HIP1: variants seen among roughly 807,000 people sequenced by gnomAD.
HIP1 encodes huntingtin-interacting protein 1.
HIP1 carries 65 observed loss-of-function variants against 147.6 expected under a neutral mutation model. That is an observed-to-expected ratio of 0.44 (90% CI 0.36 to 0.54). The LOEUF (loss-of-function observed/expected upper bound fraction) is 0.54, where lower values mean the gene tolerates loss of function less well. HIP1 is among the 20% of genes least tolerant of loss of function. HIP1 has a pLI of 0.00. For synonymous variants in HIP1, 479 were observed against 504.0 expected, an observed-to-expected ratio of 0.95 and a Z score of 0.67; for missense variants, 1,061 against 1,299.6, an observed-to-expected ratio of 0.82 and a Z score of 2.82.
intron 22 of HIP1, among the ~76,000 whole-genome samples, chr7:75,551,163 T>A (rs1257883735): frequency 1.4e-5 from 2 of 145,018 alleles, no homozygotes; most frequent in Non-Finnish European, 3.0e-5. Context: ...ACTCTATTAT[T>A]TAGGGAGGCA....
intron 6 of HIP1, among the ~76,000 whole-genome samples, chr7:75,581,858 G>C (rs1371555478): frequency 6.6e-6 from 1 of 152,154 alleles, no homozygotes; most frequent in African/African-American, 2.4e-5. Flanking sequence ...CAGAAAGCGA[G>C]ACAGACAGGA....
chr7:75,678,982 A>T (rs2117265129), intron 1 of HIP1, among the ~76,000 whole-genome samples: 1 of 152,282 alleles, frequency 6.6e-6, no homozygotes, highest in East Asian at 1.9e-4. Flanking sequence ...TCCTATAAAA[A>T]CTAGGCCAGG....
At chr7:75,543,120 A>T in intron 27 of HIP1, 146 bp from the exon 28 acceptor site, 1 of 724,338 alleles carries the variant, frequency 1.4e-6, no homozygotes, top group Non-Finnish European at 2.1e-6. Flanking sequence ...GACTATAGTC[A>T]GCTCCTGACA....
At chr7:75,575,710 C>A (rs1296994155) in intron 7 of HIP1, among the ~76,000 whole-genome samples, 1 of 152,104 alleles carries the variant, frequency 6.6e-6, no homozygotes, top group African/African-American at 2.4e-5. Flanking sequence ...GCTGCAGACA[C>A]TCAGCTCACA....
intron 1 of HIP1, among the ~76,000 whole-genome samples, chr7:75,700,810 A>T (rs1248945697): frequency 6.6e-6 from 1 of 151,094 alleles, no homozygotes; most frequent in Admixed American, 6.6e-5. Context: ...GGTTCACGCC[A>T]TTCTCCTGCC....
intron 1 of HIP1, among the ~76,000 whole-genome samples, chr7:75,609,075 T>A (rs587690925): frequency 6.6e-6 from 1 of 152,334 alleles, no homozygotes; most frequent in South Asian, 2.1e-4. Flanking sequence ...AAGCACTGGC[T>A]TGTGGAAAGA....
At position 75,595,212 on chromosome 7, in the gene HIP1, C is replaced by CTTTCTTTCTTTCTTTCT. The variant is rs2116984898; in HGVS notation, c.185-2715_185-2699dup. Among the ~76,000 whole-genome samples, 3 of 77,734 alleles carry CTTTCTTTCTTTCTTTCT rather than the reference C, an allele frequency of 3.9e-5. No individual in the cohort carries two copies. In the South Asian group the frequency reaches 1.5e-3, roughly 39 times the overall value. 51.0% of individuals were successfully genotyped at this position (77,734 alleles called of 152,430 possible). A position where few individuals can be genotyped will look rare whatever the true frequency, so the allele number is the denominator to read the frequency against. On this transcript the variant is annotated intron_variant, in intron 2 of 30. Transcript: ENST00000336926. ...CCTTTCTTTCTTTCTTTCTTTCTTT[C>CTTTCTTTCTTTCTTTCT]TTTCTTTCTTTCTTTCTTTCTTTCT... is the stretch of plus-strand genomic sequence containing the variant.
intron 1 of HIP1, among the ~76,000 whole-genome samples, chr7:75,630,270 G>C (rs1485389939): frequency 6.6e-6 from 1 of 151,634 alleles, no homozygotes; most frequent in Non-Finnish European, 1.5e-5. Flanking sequence ...ACAAGCCTAG[G>C]CAACAAGGTG....
intron 1 of HIP1, among the ~76,000 whole-genome samples, chr7:75,735,532 A>G (rs1356394703): frequency 1.3e-5 from 2 of 152,054 alleles, no homozygotes; most frequent in Non-Finnish European, 2.9e-5. Flanking sequence ...TTCATTTTTT[A>G]TATCTCATAA....
chr7:75,684,854 G>C (rs782072289), intron 1 of HIP1, among the ~76,000 whole-genome samples: 15 of 152,134 alleles, frequency 9.9e-5, no homozygotes, highest in Non-Finnish European at 1.6e-4. Flanking sequence ...CACTTTGGGA[G>C]GCCGAGAAAG....
intron 1 of HIP1, among the ~76,000 whole-genome samples, chr7:75,673,879 G>A (rs1325555641): frequency 2.0e-5 from 3 of 150,528 alleles, no homozygotes; most frequent in African/African-American, 4.9e-5. Flanking sequence ...CAAGCTACTC[G>A]AGAGGCTGAG....
chr7:75,543,414 T>A (rs1554490325), intron 27 of HIP1, among the ~76,000 whole-genome samples: 1 of 152,084 alleles, frequency 6.6e-6, no homozygotes, highest in Non-Finnish European at 1.5e-5. Flanking sequence ...TGCAATGGCA[T>A]GATCTTAGCT....
intron 1 of HIP1, among the ~76,000 whole-genome samples, chr7:75,716,828 G>A (rs190193445): frequency 1.2e-4 from 17 of 146,728 alleles, no homozygotes; most frequent in Middle Eastern, 6.9e-3. Context: ...TTTTTTTTAG[G>A]GGGGGGGAAA....
intron 2 of HIP1, among the ~76,000 whole-genome samples, chr7:75,593,341 G>C (rs983637559): frequency 5.9e-5 from 9 of 151,920 alleles, no homozygotes; most frequent in African/African-American, 2.2e-4. Context: ...TAAAAGTAAG[G>C]GTGTGCAAGC....
At chr7:75,585,370 T>A (rs1472791317) in intron 5 of HIP1, among the ~76,000 whole-genome samples, 1 of 151,640 alleles carries the variant, frequency 6.6e-6, no homozygotes, top group Non-Finnish European at 1.5e-5. Context: ...GAGACGGAGT[T>A]TTGCCATGTT....
chr7:75,669,087 C>G (rs1185065736), intron 1 of HIP1, among the ~76,000 whole-genome samples: 2 of 149,966 alleles, frequency 1.3e-5, no homozygotes, highest in Admixed American at 1.3e-4. Context: ...AAAAACAGGC[C>G]GGGTGTGGTG....
intron 1 of HIP1, among the ~76,000 whole-genome samples, chr7:75,712,177 C>T (rs967304456): frequency 1.3e-5 from 2 of 151,902 alleles, no homozygotes; most frequent in Non-Finnish European, 2.9e-5. Flanking sequence ...CTCTTCTTTA[C>T]GGGGGGAAAA....
intron 7 of HIP1, among the ~76,000 whole-genome samples, chr7:75,579,934 G>A (rs1310644439): frequency 6.6e-6 from 1 of 152,170 alleles, no homozygotes; most frequent in Non-Finnish European, 1.5e-5. Flanking sequence ...CAGAACGCTG[G>A]TGCTTACATC....
At chr7:75,545,311 T>C in intron 25 of HIP1, 123 bp from the exon 26 acceptor site, 1 of 677,504 alleles carries the variant, frequency 1.5e-6, no homozygotes, top group East Asian at 2.7e-5. Flanking sequence ...GCATTAGTAT[T>C]CCCATTTTAC....
Sources: allele counts gnomAD v4.1 joint callset (sites outside exome capture counted in the v4.1 genomes callset), GRCh38; gene constraint gnomAD v4.1.1; transcripts MANE v1.5; gene names NCBI Gene and HGNC (gene_info 2026-07-23, HGNC 2026-07-21).